Variants in SPOCK1 observed in about 807,000 individuals in gnomAD.
The protein encoded by SPOCK1 is SPARC (osteonectin), cwcv and kazal like domains proteoglycan 1.
Under a neutral mutation model 55.3 loss-of-function variants are expected in SPOCK1, and 23 were observed. The ratio of observed to expected loss-of-function variants is 0.42; its 90% CI spans 0.30 to 0.59. SPOCK1 has a LOEUF of 0.59. Among genes scored for constraint, SPOCK1 ranks in the 20% least tolerant of loss-of-function variants. The pLI is 0.22. For missense variants in SPOCK1, 499 were observed against 552.5 expected, an observed-to-expected ratio of 0.90 and a Z score of 0.97; for synonymous variants, 226 against 221.0, an observed-to-expected ratio of 1.02 and a Z score of -0.20.
At chr5:137,493,432 A>G (rs1754231085) in intron 2 of SPOCK1, among the ~76,000 whole-genome samples, 1 of 152,222 alleles carries the variant, frequency 6.6e-6, no homozygotes, top group Admixed American at 6.5e-5. Flanking sequence ...TCCCAGTGAT[A>G]CAGTTCTGCT....
chr5:137,222,517 A>G (rs1238172313), intron 3 of SPOCK1, among the ~76,000 whole-genome samples: 1 of 152,222 alleles, frequency 6.6e-6, no homozygotes, highest in Non-Finnish European at 1.5e-5. Context: ...CTCTTAAAAG[A>G]AGAGCACAGA....
chr5:137,119,935 T>G (rs1753656069), intron 4 of SPOCK1, among the ~76,000 whole-genome samples: 1 of 152,166 alleles, frequency 6.6e-6, no homozygotes, highest in African/African-American at 2.4e-5. Context: ...CCTCTCAACA[T>G]TCCCAAGAGG....
intron 6 of SPOCK1, among the ~76,000 whole-genome samples, chr5:137,011,133 C>T (rs1042116696): frequency 6.6e-6 from 1 of 152,170 alleles, no homozygotes; most frequent in African/African-American, 2.4e-5. Flanking sequence ...TTGGAGGTAA[C>T]TGGCTTATGC....
intron 2 of SPOCK1, among the ~76,000 whole-genome samples, chr5:137,439,442 G>A (rs936125040): frequency 6.6e-6 from 1 of 152,214 alleles, no homozygotes; most frequent in African/African-American, 2.4e-5. Context: ...AAAAGCTCAT[G>A]CTATTATTAA....
chr5:137,184,522 C>T (rs1580795788), intron 3 of SPOCK1, among the ~76,000 whole-genome samples: 1 of 152,282 alleles, frequency 6.6e-6, no homozygotes, highest in Admixed American at 6.5e-5. Context: ...AGCTGCTGGG[C>T]AAGTAGCAGA....
Position 137,063,410 on chromosome 5 carries a change from A to T in SPOCK1, c.589+4305T>A, listed in dbSNP as rs558662760. On this transcript the variant is annotated intron_variant, in intron 6 of 10. Coordinates refer to ENST00000394945, the MANE Select transcript of SPOCK1 (RefSeq NM_004598.4). Reference sequence around the variant, plus strand: ...AAATCTTGGCTTTGACTTCTGAAAAAAAAAAAAAACAGATGAAACTTAAAG... The same window carrying T: ...AAATCTTGGCTTTGACTTCTGAAAATAAAAAAAAACAGATGAAACTTAAAG... Among the ~76,000 whole-genome samples, 15 of 152,142 alleles carry T rather than the reference A, an allele frequency of 9.9e-5. No individual in the cohort carries two copies. The East Asian group carries it at 1.9e-3, about 20-fold the overall frequency.
At chr5:137,398,204 G>A (rs1751897523) in intron 2 of SPOCK1, among the ~76,000 whole-genome samples, 2 of 152,112 alleles carry the variant, frequency 1.3e-5, no homozygotes, top group South Asian at 4.1e-4. Context: ...CCTTAGTGAG[G>A]AAGCCTCATT....
intron 9 of SPOCK1, among the ~76,000 whole-genome samples, chr5:136,982,409 T>C (rs1750750228): frequency 6.6e-6 from 1 of 152,170 alleles, no homozygotes; most frequent in South Asian, 2.1e-4. Flanking sequence ...ACATTTATTG[T>C]GATTACAGAT....
chr5:137,356,283 A>G (rs1028656912), intron 2 of SPOCK1, among the ~76,000 whole-genome samples: 1 of 152,228 alleles, frequency 6.6e-6, no homozygotes, highest in South Asian at 2.1e-4. Context: ...AGTGAGGTCA[A>G]TTTGTAATTT....
At chr5:137,011,176 T>C (rs535525931) in intron 6 of SPOCK1, among the ~76,000 whole-genome samples, 1 of 152,302 alleles carries the variant, frequency 6.6e-6, no homozygotes, top group South Asian at 2.1e-4. Context: ...GCAAATTATA[T>C]AGACTTCGCA....
At position 137,333,814 on chromosome 5, in the gene SPOCK1, A is replaced by G. The variant is rs374223921; in HGVS notation, c.187-66759T>C. 5.3e-5 allele frequency among the ~76,000 whole-genome samples: 8 copies of G among 152,208 alleles called. No individual in the cohort carries two copies. In the East Asian group the frequency reaches 7.7e-4, roughly 15 times the overall value. ...CTATAAATACATAAAGATTTCTGGG[A>G]GCACTAAATAGAAGTGTGAGATTTT... On this transcript the variant is annotated intron_variant, in intron 2 of 10. Transcript: ENST00000394945.
intron 2 of SPOCK1, among the ~76,000 whole-genome samples, chr5:137,377,457 CA>C (rs1192134730): frequency 2.6e-5 from 4 of 152,210 alleles, no homozygotes; most frequent in African/African-American, 9.6e-5. Context: ...CCTTGAGGAA[CA>C]CCTGATACTG....
At chr5:137,165,984 G>A (rs955659355) in intron 3 of SPOCK1, among the ~76,000 whole-genome samples, 7 of 152,168 alleles carry the variant, frequency 4.6e-5, no homozygotes, top group African/African-American at 1.7e-4. Flanking sequence ...AAAGAGATAG[G>A]GGTAGAAAGT....
At chr5:137,105,738 G>A (rs184660299) in intron 5 of SPOCK1, among the ~76,000 whole-genome samples, 9 of 152,264 alleles carry the variant, frequency 5.9e-5, no homozygotes, top group Non-Finnish European at 5.9e-5. Flanking sequence ...TCCCTCACAC[G>A]TGCTCAGGCA....
intron 2 of SPOCK1, among the ~76,000 whole-genome samples, chr5:137,448,425 C>T (rs1753176699): frequency 6.6e-6 from 1 of 152,074 alleles, no homozygotes; most frequent in Non-Finnish European, 1.5e-5. Flanking sequence ...CTTTGGGGCT[C>T]TTAGACTAGG....
chr5:136,995,164 C>T (rs1039490633), intron 6 of SPOCK1, among the ~76,000 whole-genome samples: 4 of 152,114 alleles, frequency 2.6e-5, no homozygotes, highest in African/African-American at 9.7e-5. Flanking sequence ...ATCAGGTTAG[C>T]GATCATTTTG....
At chr5:137,471,926 A>ACCC (rs1231884550) in intron 2 of SPOCK1, among the ~76,000 whole-genome samples, 1 of 152,166 alleles carries the variant, frequency 6.6e-6, no homozygotes, top group African/African-American at 2.4e-5. Context: ...CATGGGAAAT[A>ACCC]ATAGGGCAGA....
intron 2 of SPOCK1, among the ~76,000 whole-genome samples, chr5:137,369,516 T>A (rs1751152242): frequency 1.3e-5 from 2 of 152,200 alleles, no homozygotes; most frequent in African/African-American, 4.8e-5. Flanking sequence ...CAAGCTGTTA[T>A]CCCCAGATTG....
intron 2 of SPOCK1, among the ~76,000 whole-genome samples, chr5:137,426,284 T>C (rs1461372532): frequency 1.3e-5 from 2 of 152,226 alleles, no homozygotes; most frequent in Non-Finnish European, 2.9e-5. Flanking sequence ...CTTTTTTACA[T>C]ATCAACTGCA....
Sources: gnomAD v4.1 joint callset for allele counts (sites outside exome capture counted in the v4.1 genomes callset) on GRCh38, gnomAD v4.1.1 for gene constraint, MANE v1.5 for transcripts, NCBI Gene and HGNC (gene_info 2026-07-23, HGNC 2026-07-21) for gene names.